Variants in SDK1 observed in about 807,000 individuals in gnomAD.
The protein encoded by SDK1 is protein sidekick-1.
A neutral mutation model predicts 245.5 loss-of-function variants in SDK1; 157 were observed. That is an observed-to-expected ratio of 0.64 (90% CI 0.56 to 0.73). The LOEUF is 0.73. Among genes scored for constraint, SDK1 ranks in the 30% least tolerant of loss-of-function variants. SDK1 has a pLI of 0.00. For synonymous variants in SDK1, 1,647 were observed against 1,278.5 expected (o/e 1.29, Z -6.15); for missense variants, 3,583 against 3,002.3 (o/e 1.19, Z -4.52).
chr7:4,152,102 G>A (rs1417980047), intron 30 of SDK1, among the ~76,000 whole-genome samples: 1 of 152,220 alleles, frequency 6.6e-6, no homozygotes, highest in Non-Finnish European at 1.5e-5. Flanking sequence ...GCTGGAGCGG[G>A]GATCCTGCTG....
intron 1 of SDK1, among the ~76,000 whole-genome samples, chr7:3,587,335 A>G (rs532564386): frequency 1.8e-4 from 27 of 151,518 alleles, no homozygotes; most frequent in Admixed American, 1.2e-3. Context: ...GTGTCTAAAG[A>G]GATTTATTAG....
chr7:3,314,861 C>T (rs552523811), intron 1 of SDK1, among the ~76,000 whole-genome samples: 59 of 152,018 alleles, frequency 3.9e-4, no homozygotes, highest in African/African-American at 1.4e-3. Flanking sequence ...GGGTGAATAA[C>T]GTGAATTTCA....
chr7:3,573,814 C>G (rs773166552), intron 1 of SDK1, among the ~76,000 whole-genome samples: 1 of 151,866 alleles, frequency 6.6e-6, no homozygotes, highest in African/African-American at 2.4e-5. Flanking sequence ...ACCCTTGAAG[C>G]CCCCTGCTGT....
chr7:3,439,429 A>G (rs1780129133), intron 1 of SDK1, among the ~76,000 whole-genome samples: 1 of 152,130 alleles, frequency 6.6e-6, no homozygotes. Context: ...AGCACTAGTG[A>G]AGAGTAATGT....
intron 30 of SDK1, among the ~76,000 whole-genome samples, chr7:4,150,790 G>A (rs1281755762): frequency 6.6e-6 from 1 of 152,216 alleles, no homozygotes; most frequent in Non-Finnish European, 1.5e-5. Context: ...TGACAACAGG[G>A]GGTTTCAAAG....
intron 1 of SDK1, among the ~76,000 whole-genome samples, chr7:3,423,152 G>T (rs1029152606): frequency 6.6e-6 from 1 of 152,166 alleles, no homozygotes; most frequent in Non-Finnish European, 1.5e-5. Context: ...AAATAAATTG[G>T]TTGGTGAGAA....
At chr7:3,579,341 G>C (rs144417864) in intron 1 of SDK1, among the ~76,000 whole-genome samples, 1 of 152,200 alleles carries the variant, frequency 6.6e-6, no homozygotes, top group Non-Finnish European at 1.5e-5. Flanking sequence ...TCAGGTAGGC[G>C]TTATCCCTGG....
chr7:3,949,090 C>T (rs1780692664), intron 5 of SDK1, among the ~76,000 whole-genome samples: 1 of 152,110 alleles, frequency 6.6e-6, no homozygotes. Context: ...GATAACCAGC[C>T]CAGGAATGTT....
At chr7:3,957,990 A>T (rs1187755757) in intron 7 of SDK1, 3 of 470,702 alleles carry the variant, frequency 6.4e-6, no homozygotes, top group Non-Finnish European at 1.3e-5. Flanking sequence ...CTTCCCCCTT[A>T]ATCGTTTCTT....
Position 3,500,067 on chromosome 7 carries a change from T to TC in SDK1, c.299-119012dup, listed in dbSNP as rs1296273139. Among the ~76,000 whole-genome samples the TC allele has an allele frequency of 5.3e-5, 8 of 152,168 alleles. 1 individual carries two copies. The South Asian group carries it at 1.0e-3, about 20-fold the overall frequency. ...TCAGGCTCACTGGGGTGTCTTGTCTTCAGGTTAAAAAGGTGGTTGGGTGGG... is the reference window on the plus strand; with the variant it reads ...TCAGGCTCACTGGGGTGTCTTGTCTTCCAGGTTAAAAAGGTGGTTGGGTGGG... On this transcript the variant is annotated intron_variant, in intron 1 of 44. Transcript: ENST00000404826.
rs141010628 is a variant in SDK1, at chr7:3,706,979, A to G, written c.713+64874A>G. ...TGGTTAGTCTAGCTAATGGTCTATC[A>G]ACTTTGTCTTTTCAAAGAACAAGAT... On this transcript the variant is annotated intron_variant, in intron 4 of 44. Coordinates refer to ENST00000404826, the MANE Select transcript of SDK1 (RefSeq NM_152744.4). 1.6e-3 allele frequency among the ~76,000 whole-genome samples: 241 copies of G among 152,268 alleles called. 4 individuals carry two copies. The highest frequency in any genetic ancestry group is 5.3e-3 in the African/African-American group (222 of 41,564).
At chr7:3,557,786 T>C (rs1453803338) in intron 1 of SDK1, among the ~76,000 whole-genome samples, 1 of 152,166 alleles carries the variant, frequency 6.6e-6, no homozygotes, top group African/African-American at 2.4e-5. Context: ...GCTAGCAGCT[T>C]GTTACTTTAG....
intron 35 of SDK1, among the ~76,000 whole-genome samples, chr7:4,192,792 A>G (rs933473194): frequency 2.6e-5 from 4 of 151,736 alleles, no homozygotes; most frequent in African/African-American, 9.7e-5. Context: ...CAGCTCAACC[A>G]CAAGGCAGCA....
intron 22 of SDK1, among the ~76,000 whole-genome samples, chr7:4,082,870 C>T (rs867584452): frequency 3.1e-4 from 47 of 152,216 alleles, no homozygotes; most frequent in Middle Eastern, 6.8e-3. Context: ...ATCTGTCAGC[C>T]TCGGCCTCCC....
At chr7:3,603,041 A>T (rs1781300174) in intron 1 of SDK1, among the ~76,000 whole-genome samples, 1 of 151,990 alleles carries the variant, frequency 6.6e-6, no homozygotes, top group African/African-American at 2.4e-5. Flanking sequence ...ATTGATCTAT[A>T]TCTCTGTTTT....
At chr7:4,213,633 C>T (rs962277847) in intron 38 of SDK1, among the ~76,000 whole-genome samples, 5 of 151,830 alleles carry the variant, frequency 3.3e-5, no homozygotes, top group African/African-American at 1.2e-4. Flanking sequence ...TTCCATGGGT[C>T]ATTACCCAGT....
intron 1 of SDK1, among the ~76,000 whole-genome samples, chr7:3,532,390 CT>C (rs1278401218): frequency 1.3e-5 from 2 of 152,114 alleles, no homozygotes; most frequent in African/African-American, 4.8e-5. Context: ...TTGGTTCTGG[CT>C]TTGGCGCTTT....
chr7:3,488,793 G>C (rs1273426188), intron 1 of SDK1, among the ~76,000 whole-genome samples: 1 of 152,134 alleles, frequency 6.6e-6, no homozygotes. Context: ...CAATCTGACA[G>C]CTTGGACTTG....
At chr7:4,118,324 A>C (rs1783847289) in intron 25 of SDK1, among the ~76,000 whole-genome samples, 1 of 152,242 alleles carries the variant, frequency 6.6e-6, no homozygotes. Context: ...ACATGAAAAC[A>C]TGCTCAACAT....
Sources: gnomAD v4.1 joint callset for allele counts (sites outside exome capture counted in the v4.1 genomes callset) on GRCh38, gnomAD v4.1.1 for gene constraint, MANE v1.5 for transcripts, NCBI Gene and HGNC (gene_info 2026-07-23, HGNC 2026-07-21) for gene names.